SVIL: variants seen among roughly 807,000 people sequenced by gnomAD.
SVIL encodes supervillin.
In SVIL, 101 loss-of-function variants were observed where a neutral mutation model predicts 240.4. The ratio of observed to expected loss-of-function variants is 0.42; its 90% CI spans 0.36 to 0.50. SVIL has a LOEUF of 0.50. Ranked by LOEUF, SVIL falls within the 20% of genes least tolerant of loss-of-function variation. The probability of loss-of-function intolerance (pLI) is 0.01; values close to 1 mark genes in which losing one functional copy is unlikely to be tolerated. For synonymous variants in SVIL, 999 were observed against 1,100.0 expected (o/e 0.91, Z 1.82); for missense variants, 2,512 against 2,818.7 (o/e 0.89, Z 2.46).
At chr10:29,690,275 TA>T (rs1436145515) in intron 1 of SVIL, among the ~76,000 whole-genome samples, 1 of 152,232 alleles carries the variant, frequency 6.6e-6, no homozygotes, top group Non-Finnish European at 1.5e-5. Context: ...TTGATAAATG[TA>T]TGCTAAAATA....
rs1048391330 is a variant in SVIL, at chr10:29,532,048, A to G, written c.1963T>C (p.Phe655Leu). ...GCTGAAGTTATAGGTTGGGTTCTAA[A>G]TCTCTCGGAAGTTTTTCTACTTTCA... ...PGESRKTSER[F>L]RTQPITSAER... Residue 655 changes from phenylalanine to leucine, a missense_variant, in exon 9 of 38, where the codon TTT becomes CTT. Phe to Leu is a conservative substitution (Grantham distance 22). Coordinates refer to ENST00000355867, the MANE Select transcript of SVIL (RefSeq NM_021738.3). The G allele has an allele frequency of 1.2e-6, 2 of 1,614,038 alleles. No individual in the cohort carries two copies. Among genetic ancestry groups the G allele is most frequent in the African/African-American group, 2.7e-5 (2 of 74,924 alleles).
At chr10:29,634,044 C>A (rs1489631749) in intron 1 of SVIL, among the ~76,000 whole-genome samples, 1 of 152,124 alleles carries the variant, frequency 6.6e-6, no homozygotes, top group Admixed American at 6.5e-5. Flanking sequence ...ACTCCACCCC[C>A]ATACTTGTGC....
intron 36 of SVIL, among the ~76,000 whole-genome samples, chr10:29,461,908 T>C (rs777894211): frequency 1.3e-5 from 2 of 152,168 alleles, no homozygotes; most frequent in Non-Finnish European, 2.9e-5. Context: ...ATCTGAAACA[T>C]GAGGGTTTGG....
At chr10:29,728,862 G>A (rs1239308568) in intron 1 of SVIL, among the ~76,000 whole-genome samples, 1 of 151,668 alleles carries the variant, frequency 6.6e-6, no homozygotes, top group African/African-American at 2.4e-5. Flanking sequence ...AATGACAGAT[G>A]GAGATAAGGA....
chr10:29,482,673 C>T (rs16930263), intron 27 of SVIL, among the ~76,000 whole-genome samples: 2,814 of 152,328 alleles, frequency 0.018, 91 homozygotes, highest in African/African-American at 0.064. Flanking sequence ...GGAAAGAAAA[C>T]GGCATAGCTC....
chr10:29,535,491 AGG>A (rs1163074585), intron 7 of SVIL, among the ~76,000 whole-genome samples: 1 of 152,166 alleles, frequency 6.6e-6, no homozygotes, highest in African/African-American at 2.4e-5. Context: ...ATGAAATGAT[AGG>A]GGGTTTTGTT....
intron 1 of SVIL, among the ~76,000 whole-genome samples, chr10:29,699,705 A>C (rs1962359470): frequency 6.6e-6 from 1 of 152,178 alleles, no homozygotes; most frequent in Non-Finnish European, 1.5e-5. Flanking sequence ...TTCTTTACTG[A>C]GTGTTACTGA....
chr10:29,690,487 C>T (rs1049278691), intron 1 of SVIL, among the ~76,000 whole-genome samples: 19 of 152,100 alleles, frequency 1.2e-4, no homozygotes, highest in African/African-American at 4.3e-4. Flanking sequence ...AATATGGAGG[C>T]TATTTATATC....
rs768160359 is a variant in SVIL at position 29,499,096 on chromosome 10, A to G, written c.3664+20T>C. 1.7e-5 allele frequency: 27 copies of G among 1,612,172 alleles called. No individual in the cohort carries two copies. The African/African-American group carries it at 2.6e-4, about 15-fold the overall frequency. On this transcript the variant is annotated intron_variant, in intron 18 of 37. Transcript: ENST00000355867. ...TGTGCATTGTGCACACACCACACAC[A>G]TGGACACACACACACTGACCTTTCT...
chr10:29,559,272 C>T (rs965845547), intron 3 of SVIL, among the ~76,000 whole-genome samples: 2 of 148,432 alleles, frequency 1.3e-5, no homozygotes, highest in Admixed American at 6.9e-5. Flanking sequence ...AATATGTTAA[C>T]ATTTTACTAT....
At chr10:29,611,017 T>C (rs1247442) in intron 1 of SVIL, among the ~76,000 whole-genome samples, 64,038 of 151,942 alleles carry the variant, frequency 0.42, 13,684 homozygotes, top group African/African-American at 0.47. Context: ...TTACCATGGA[T>C]ACTCTTCTGC....
intron 2 of SVIL, among the ~76,000 whole-genome samples, chr10:29,667,073 C>T (rs1023432621): frequency 1.3e-5 from 2 of 152,060 alleles, no homozygotes; most frequent in Non-Finnish European, 2.9e-5. Flanking sequence ...AACAGCCTAG[C>T]AGGTGTTTCT....
intron 1 of SVIL, among the ~76,000 whole-genome samples, chr10:29,613,853 T>C (rs567297787): frequency 6.6e-6 from 1 of 152,338 alleles, no homozygotes; most frequent in East Asian, 1.9e-4. Flanking sequence ...AGGATTGACC[T>C]AAGGGTACTA....
At chr10:29,466,135 A>G (rs1228046170) in intron 33 of SVIL, among the ~76,000 whole-genome samples, 1 of 152,140 alleles carries the variant, frequency 6.6e-6, no homozygotes, top group Non-Finnish European at 1.5e-5. Flanking sequence ...AGAAATTAAA[A>G]TGGCTAAAAA....
intron 6 of SVIL, among the ~76,000 whole-genome samples, chr10:29,550,060 A>G (rs114171214): frequency 0.072 from 3,870 of 53,966 alleles, 171 homozygotes; most frequent in African/African-American, 0.22. Flanking sequence ...AAAGAAAAAG[A>G]AAAAAAAAAA....
At position 29,491,835 on chromosome 10, in the gene SVIL, C is replaced by A. The variant is rs551136826; in HGVS notation, c.4020-816G>T. 3.9e-5 allele frequency among the ~76,000 whole-genome samples: 6 copies of A among 152,244 alleles called. No individual in the cohort carries two copies. In the South Asian group the frequency reaches 1.2e-3, roughly 32 times the overall value. Reference sequence around the variant, plus strand: ...TACTTAAACAGTGACATTGTGTGGGCGGAAGATTGAGAAATGGTTAAACCG... The same window carrying A: ...TACTTAAACAGTGACATTGTGTGGGAGGAAGATTGAGAAATGGTTAAACCG... On this transcript the variant is annotated intron_variant, in intron 21 of 37. Transcript: ENST00000355867.
intron 1 of SVIL, among the ~76,000 whole-genome samples, chr10:29,624,501 C>T (rs1434378861): frequency 2.0e-5 from 3 of 152,166 alleles, no homozygotes; most frequent in Admixed American, 6.5e-5. Flanking sequence ...TCGATCATGT[C>T]AGCCTGGGCG....
At position 29,550,740 on chromosome 10, in the gene SVIL, C is replaced by G. The variant is rs756689008; in HGVS notation, c.684G>C (p.Ser228=). 1.9e-6 allele frequency: 3 copies of G among 1,614,084 alleles called. No individual in the cohort carries two copies. The highest frequency in any genetic ancestry group is 2.2e-5 in the South Asian group (2 of 91,072). ...AGTCTCGCCCAGAGAAAGAGAAGGT[C>G]GAGGAACTCTCGGCTGCTGGGGACA... The part of the protein sequence containing the change: ...HDLSPAAESS[S]TFSFSGRDSS... Residue 228 remains serine, a synonymous_variant, in exon 6 of 38, where the codon TCG becomes TCC. Transcript: ENST00000355867.
intron 17 of SVIL, among the ~76,000 whole-genome samples, chr10:29,504,186 TTAAC>T (rs1949102293): frequency 1.3e-5 from 2 of 152,198 alleles, no homozygotes; most frequent in South Asian, 4.1e-4. Flanking sequence ...TTCCCCAAAA[TTAAC>T]TAAAAATGGA....
Sources: allele counts gnomAD v4.1 joint callset (sites outside exome capture counted in the v4.1 genomes callset), GRCh38; gene constraint gnomAD v4.1.1; transcripts MANE v1.5; gene names NCBI Gene and HGNC (gene_info 2026-07-23, HGNC 2026-07-21).